The following POU2F1 variants were observed in gnomAD, a reference collection of about 807,000 sequenced individuals.
POU2F1 encodes POU class 2 homeobox 1, also known as POU domain, class 2, transcription factor 1.
POU2F1 carries 16 observed loss-of-function variants against 84.9 expected under a neutral mutation model. That is an observed-to-expected ratio of 0.19 (90% confidence interval 0.13 to 0.29). The LOEUF (loss-of-function observed/expected upper bound fraction) is 0.29. POU2F1 is among the 10% of genes least tolerant of loss of function. POU2F1 has a pLI of 1.00. For synonymous variants in POU2F1, 368 were observed against 368.3 expected, an observed-to-expected ratio of 1.00 and a Z score of 0.01; for missense variants, 738 against 942.6, an observed-to-expected ratio of 0.78 and a Z score of 2.84.
chr1:167,336,210 T>C (rs1657432971), intron 2 of POU2F1, among the ~76,000 whole-genome samples: 1 of 152,150 alleles, frequency 6.6e-6, no homozygotes, highest in Non-Finnish European at 1.5e-5. Flanking sequence ...ATGTAAACAA[T>C]ACAGTATAAA....
intron 1 of POU2F1, among the ~76,000 whole-genome samples, chr1:167,257,369 A>G (rs1651218679): frequency 6.6e-6 from 1 of 152,208 alleles, no homozygotes; most frequent in African/African-American, 2.4e-5. Flanking sequence ...ACAGTAACAC[A>G]TACACCTATG....
At chr1:167,278,087 C>A (rs1652863605) in intron 1 of POU2F1, among the ~76,000 whole-genome samples, 1 of 152,136 alleles carries the variant, frequency 6.6e-6, no homozygotes, top group Admixed American at 6.5e-5. Context: ...AGGATAAAGA[C>A]TAACATTCCC....
chr1:167,375,538 G>C (rs987544258), intron 6 of POU2F1, among the ~76,000 whole-genome samples: 7 of 152,196 alleles, frequency 4.6e-5, no homozygotes, highest in African/African-American at 1.7e-4. Context: ...TAGAACATGT[G>C]GAAAAGGGCA....
At position 167,308,223 on chromosome 1, in the gene POU2F1, C is replaced by T. The variant is rs577854067; in HGVS notation, c.62-24247C>T. Reference sequence around the variant, plus strand: ...CTGGAACTACAGGTGCACACCACCACGCCTGGCTAATTTTTCTATTTTTAA... The same window carrying T: ...CTGGAACTACAGGTGCACACCACCATGCCTGGCTAATTTTTCTATTTTTAA... On this transcript the variant is annotated intron_variant, in intron 1 of 15. Coordinates refer to ENST00000367866, the MANE Select transcript of POU2F1 (RefSeq NM_002697.4). Among the ~76,000 whole-genome samples the T allele has an allele frequency of 1.3e-4, 20 of 152,072 alleles. No homozygotes were observed. The South Asian group carries it at 2.5e-3, about 19-fold the overall frequency.
chr1:167,379,156 C>A (rs10733052), intron 7 of POU2F1: 1 of 152,320 alleles, frequency 6.6e-6, no homozygotes, highest in African/African-American at 2.4e-5. Flanking sequence ...TGGTCTTGAA[C>A]TCCTGGGTTC....
chr1:167,343,260 A>G (rs1430081869), intron 2 of POU2F1, among the ~76,000 whole-genome samples: 4 of 152,216 alleles, frequency 2.6e-5, no homozygotes, highest in African/African-American at 7.2e-5. Context: ...TGAATAAGCA[A>G]TTGATCTTTT....
At chr1:167,326,366 C>T (rs1287577302) in intron 1 of POU2F1, among the ~76,000 whole-genome samples, 1 of 152,058 alleles carries the variant, frequency 6.6e-6, no homozygotes, top group Non-Finnish European at 1.5e-5. Flanking sequence ...GACAGATGAC[C>T]AAGTGAAATG....
At chr1:167,283,448 T>C (rs1295915975) in intron 1 of POU2F1, among the ~76,000 whole-genome samples, 1 of 152,212 alleles carries the variant, frequency 6.6e-6, no homozygotes, top group Non-Finnish European at 1.5e-5. Flanking sequence ...ACACATAACA[T>C]GATTAGAATC....
chr1:167,384,801 G>A (rs932485096), intron 8 of POU2F1, among the ~76,000 whole-genome samples: 2 of 151,900 alleles, frequency 1.3e-5, no homozygotes, highest in Admixed American at 1.3e-4. Flanking sequence ...ACAAGGCAAA[G>A]TGACCAGTTG....
chr1:167,337,554 C>T (rs1403586479), intron 2 of POU2F1, among the ~76,000 whole-genome samples: 1 of 152,036 alleles, frequency 6.6e-6, no homozygotes, highest in African/African-American at 2.4e-5. Flanking sequence ...ACGGAAGAAG[C>T]AGCTTCTGCC....
chr1:167,275,265 A>AT (rs769028717), intron 1 of POU2F1, among the ~76,000 whole-genome samples: 110 of 152,014 alleles, frequency 7.2e-4, no homozygotes, highest in Non-Finnish European at 1.5e-3. Context: ...GGGTCAAGTG[A>AT]TCCCCCCACC....
At position 167,266,513 on chromosome 1, in the gene POU2F1, C is replaced by A. The variant is rs1320997706; in HGVS notation, c.61+45555C>A. Among the ~76,000 whole-genome samples the A allele has an allele frequency of 2.6e-5, 4 of 151,988 alleles. No homozygotes were observed. The South Asian group carries it at 8.3e-4, about 32-fold the overall frequency. On this transcript the variant is annotated intron_variant, in intron 1 of 15. Coordinates refer to ENST00000367866, the MANE Select transcript of POU2F1 (RefSeq NM_002697.4). ...TGTTCTAGAATTATTAAAACAAAAT[C>A]AGTATCAGAATGTCAAATATTTAAA...
At chr1:167,283,462 T>G (rs12736537) in intron 1 of POU2F1, among the ~76,000 whole-genome samples, 1,846 of 152,250 alleles carry the variant, frequency 0.012, 14 homozygotes, top group South Asian at 0.027. Flanking sequence ...TAGAATCCAG[T>G]AAATGTTTGC....
chr1:167,341,707 A>T (rs978251479), intron 2 of POU2F1, among the ~76,000 whole-genome samples: 5 of 152,052 alleles, frequency 3.3e-5, no homozygotes, highest in Admixed American at 2.6e-4. Flanking sequence ...GTTTCAGTGC[A>T]CTCTTTTAGC....
chr1:167,420,802 C>T lies in POU2F1; in HGVS notation c.*4992C>T, dbSNP rs1345835464. The T allele has an allele frequency of 6.6e-6, 1 of 152,142 alleles. No individual in the cohort carries two copies. The highest frequency in any genetic ancestry group is 1.5e-5 in the Non-Finnish European group (1 of 68,034). The allele number at this position is 152,142 out of a possible 1,614,324, so 9.4% of individuals were successfully genotyped here. A position where few individuals can be genotyped will look rare whatever the true frequency, so the allele number is the denominator to read the frequency against. On this transcript the variant is annotated 3_prime_UTR_variant, in exon 16 of 16. Coordinates refer to ENST00000367866, the MANE Select transcript of POU2F1 (RefSeq NM_002697.4). ...GGCTCTGGCCTGGCTCTTGGGGGGCCTTCTGAAGACCAGTCTGCAGTTTGA... is the reference window on the plus strand; with the variant it reads ...GGCTCTGGCCTGGCTCTTGGGGGGCTTTCTGAAGACCAGTCTGCAGTTTGA...
rs146433166 is a variant in POU2F1, at chr1:167,294,899, T to C, written c.62-37571T>C. ...CTGTAATCCCAGCACTTTGGAAGGCTGAGGTGGGCAGATCACTTGAGGTCA... is the reference window on the plus strand; with the variant it reads ...CTGTAATCCCAGCACTTTGGAAGGCCGAGGTGGGCAGATCACTTGAGGTCA... On this transcript the variant is annotated intron_variant, in intron 1 of 15. Transcript: ENST00000367866. Among the ~76,000 whole-genome samples, 740 of 152,178 alleles carry C rather than the reference T, an allele frequency of 4.9e-3. 2 individuals carry two copies. The highest frequency in any genetic ancestry group is 0.015 in the South Asian group (71 of 4,808).
Position 167,269,641 on chromosome 1 carries a change from G to A in POU2F1, c.61+48683G>A, listed in dbSNP as rs564291941. ...AAAGAGCAAGAGTTGGGTTGGGCGC[G>A]GTGACTCACGCCTATAATCCCAGCA... On this transcript the variant is annotated intron_variant, in intron 1 of 15. Coordinates refer to ENST00000367866, the MANE Select transcript of POU2F1 (RefSeq NM_002697.4). 5.3e-5 allele frequency among the ~76,000 whole-genome samples: 8 copies of A among 152,244 alleles called. No homozygotes were observed. In the South Asian group the frequency reaches 1.2e-3, roughly 24 times the overall value.
intron 1 of POU2F1, among the ~76,000 whole-genome samples, chr1:167,321,833 A>G (rs796221480): frequency 2.0e-5 from 3 of 152,216 alleles, no homozygotes; most frequent in African/African-American, 4.8e-5. Context: ...TTCCTGCATC[A>G]TATGTTGACT....
At chr1:167,380,136 T>C (rs556860830) in intron 7 of POU2F1, 35 of 152,322 alleles carry the variant, frequency 2.3e-4, no homozygotes, top group African/African-American at 8.4e-4. Context: ...GCAAAGAGCA[T>C]AGACTCTAAA....
Sources: allele counts gnomAD v4.1 joint callset (sites outside exome capture counted in the v4.1 genomes callset), GRCh38; gene constraint gnomAD v4.1.1; transcripts MANE v1.5; gene names NCBI Gene and HGNC (gene_info 2026-07-23, HGNC 2026-07-21).